Variants in GFER observed in about 807,000 individuals in gnomAD.
GFER encodes growth factor, augmenter of liver regeneration.
GFER carries 24 observed loss-of-function variants against 18.2 expected under a neutral mutation model. The observed-to-expected ratio is 1.32, with a 90% CI of 0.96 to 1.86. The LOEUF is 1.86. Ranked by LOEUF, GFER falls within the 40% of genes most tolerant of loss-of-function variation. The probability of loss-of-function intolerance (pLI) is 0.00; values close to 1 mark genes in which losing one functional copy is unlikely to be tolerated. For missense variants in GFER, 316 were observed against 295.6 expected, an observed-to-expected ratio of 1.07 and a Z score of -0.51; for synonymous variants, 138 against 126.9, an observed-to-expected ratio of 1.09 and a Z score of -0.59.
At position 1,986,110 on chromosome 16, in the gene GFER, C is replaced by A; in HGVS notation, c.*82C>A. The stretch of plus-strand genomic sequence containing the variant: ...GGGCACTCATTAAAGTGCATCACAG[C>A]CAGAGCCTGTTGTGTCTCAGTTGGG... On this transcript the variant is annotated 3_prime_UTR_variant, in exon 3 of 3. Coordinates refer to ENST00000248114, the MANE Select transcript of GFER (RefSeq NM_005262.3). 7.1e-7 allele frequency: 1 copy of A among 1,403,722 alleles called. No individual in the cohort carries two copies. The highest frequency in any genetic ancestry group is 1.0e-6 in the Non-Finnish European group (1 of 1,001,050). 87.0% of individuals were successfully genotyped at this position (1,403,722 alleles called of 1,614,324 possible). A position where few individuals can be genotyped will look rare whatever the true frequency, so the allele number is the denominator to read the frequency against.
chr16:1,986,346 C>T lies in GFER; in HGVS notation c.*318C>T, dbSNP rs2083567603. On this transcript the variant is annotated 3_prime_UTR_variant, in exon 3 of 3. Transcript: ENST00000248114. ...TTCCTGCCCACCGCATACCCTGGCG[C>T]CTCACTCCTCACACGGGAAGACAGC... is the stretch of plus-strand genomic sequence containing the variant. 5.0e-6 allele frequency: 2 copies of T among 399,138 alleles called. No individual in the cohort carries two copies. The highest frequency in any genetic ancestry group is 4.2e-5 in the South Asian group (2 of 48,152). The allele number at this position is 399,138 out of a possible 1,614,324, so 24.7% of individuals were successfully genotyped here.
At position 1,986,079 on chromosome 16, in the gene GFER, G is replaced by A; in HGVS notation, c.*51G>A. On this transcript the variant is annotated 3_prime_UTR_variant, in exon 3 of 3. Coordinates refer to ENST00000248114, the MANE Select transcript of GFER (RefSeq NM_005262.3). ...ACAGCTAGCCAGGCATGGTTGGATA[G>A]GGGCAGGGCACTCATTAAAGTGCAT... 1 of 1,573,428 alleles carries A rather than the reference G, an allele frequency of 6.4e-7. No individual in the cohort carries two copies. The highest frequency in any genetic ancestry group is 8.7e-7 in the Non-Finnish European group (1 of 1,148,332).
intron 1 of GFER, 92 bp downstream of exon 1, chr16:1,984,568 G>T: frequency 6.9e-7 from 1 of 1,454,046 alleles, no homozygotes; most frequent in Admixed American, 1.9e-5. Flanking sequence ...AGGGTTGCCT[G>T]TCCCTGAACC....
Position 1,986,117 on chromosome 16 carries a change from C to A in GFER, c.*89C>A. On this transcript the variant is annotated 3_prime_UTR_variant, in exon 3 of 3. Coordinates refer to ENST00000248114, the MANE Select transcript of GFER (RefSeq NM_005262.3). ...CATTAAAGTGCATCACAGCCAGAGC[C>A]TGTTGTGTCTCAGTTGGGTGGTCCC... The A allele has an allele frequency of 7.3e-7, 1 of 1,364,646 alleles. No individual in the cohort carries two copies. The highest frequency in any genetic ancestry group is 1.2e-5 in the South Asian group (1 of 85,308). The allele number at this position is 1,364,646 out of a possible 1,614,324, so 84.5% of individuals were successfully genotyped here.
intron 2 of GFER, 104 bp downstream of exon 2, chr16:1,985,047 C>A: frequency 1.1e-6 from 1 of 908,342 alleles, no homozygotes; most frequent in Non-Finnish European, 1.8e-6. Flanking sequence ...GCAGAGGTGG[C>A]AGAAGTTTGC....
At chr16:1,984,684 TG>T in intron 1 of GFER, 62 bp from the exon 2 acceptor site, 1 of 1,476,246 alleles carries the variant, frequency 6.8e-7, no homozygotes, top group Non-Finnish European at 9.4e-7. Flanking sequence ...GGCCGTACAG[TG>T]GGGAGCTTTG....
intron 2 of GFER, 41 bp from the exon 3 acceptor site, chr16:1,985,825 C>T: frequency 6.3e-7 from 1 of 1,581,116 alleles, no homozygotes. Context: ...GGCAGTGGAG[C>T]CGCTGCGTCC....
chr16:1,985,143 C>T, intron 2 of GFER, 200 bp downstream of exon 2: 1 of 639,976 alleles, frequency 1.6e-6, no homozygotes, highest in African/African-American at 1.8e-5. Flanking sequence ...TCGGGATCTG[C>T]TGCTGGGTAC....
intron 2 of GFER, among the ~76,000 whole-genome samples, chr16:1,985,379 G>A (rs1237197404): frequency 6.6e-6 from 1 of 152,254 alleles, no homozygotes; most frequent in African/African-American, 2.4e-5. Flanking sequence ...TTCTAGGCCA[G>A]ATGTATAGGG....
At position 1,986,046 on chromosome 16, in the gene GFER, C is replaced by G. The variant is rs747482644; in HGVS notation, c.*18C>G. ...GTGACTAGAGGGTGGTCAGCCAGAG[C>G]TCATGGGACAGCTAGCCAGGCATGG... On this transcript the variant is annotated 3_prime_UTR_variant, in exon 3 of 3. Transcript: ENST00000248114. 6.2e-7 allele frequency: 1 copy of G among 1,611,156 alleles called. No individual in the cohort carries two copies. The highest frequency in any genetic ancestry group is 2.2e-5 in the East Asian group (1 of 44,884).
chr16:1,986,445 C>A lies in GFER; in HGVS notation c.*417C>A. 5.8e-6 allele frequency: 2 copies of A among 347,652 alleles called. No homozygotes were observed. The highest frequency in any genetic ancestry group is 5.7e-6 in the Non-Finnish European group (1 of 176,606). 21.5% of individuals were successfully genotyped at this position (347,652 alleles called of 1,614,324 possible). ...CCTTCCCACTATGCAGCCAGGGATG[C>A]CCCTGCCCCCCATGGCTCTGTGCTG... On this transcript the variant is annotated 3_prime_UTR_variant, in exon 3 of 3. Coordinates refer to ENST00000248114, the MANE Select transcript of GFER (RefSeq NM_005262.3).
rs1386585355 is a variant in GFER, at chr16:1,986,227, C to A, written c.*199C>A. On this transcript the variant is annotated 3_prime_UTR_variant, in exon 3 of 3. Transcript: ENST00000248114. ...TGCCCACAGCAGGTACCCACTGGCCCCCTCCTCAGTGGAGACCCCAAGGAG... is the reference window on the plus strand; with the variant it reads ...TGCCCACAGCAGGTACCCACTGGCCACCTCCTCAGTGGAGACCCCAAGGAG... 3.8e-5 allele frequency: 24 copies of A among 635,604 alleles called. No individual in the cohort carries two copies. The highest frequency in any genetic ancestry group is 8.3e-4 in the Middle Eastern group (2 of 2,422). The allele number at this position is 635,604 out of a possible 1,614,324, so 39.4% of individuals were successfully genotyped here. A position where few individuals can be genotyped will look rare whatever the true frequency, so the allele number is the denominator to read the frequency against.
At position 1,984,957 on chromosome 16, in the gene GFER, G is replaced by A; in HGVS notation, c.455+14G>A. ...CCTAAGAAAAAGGTAAGATGTGTTT[G>A]CACGCAGCAGAGCTTTGCACTGGAG... On this transcript the variant is annotated intron_variant, in intron 2 of 2. Transcript: ENST00000248114. 1 of 1,593,928 alleles carries A rather than the reference G, an allele frequency of 6.3e-7. No homozygotes were observed. Among genetic ancestry groups the A allele is most frequent in the Non-Finnish European group, 8.6e-7 (1 of 1,162,472 alleles).
rs1182083673 is a variant in GFER, at chr16:1,987,253, G to A, written c.*1225G>A. Reference sequence around the variant, plus strand: ...AGTGCAGCAAGGTGGGGGGTGACTGGGACCCAGCCTTTGGGCCTCCCCAGC... The same window carrying A: ...AGTGCAGCAAGGTGGGGGGTGACTGAGACCCAGCCTTTGGGCCTCCCCAGC... On this transcript the variant is annotated 3_prime_UTR_variant, in exon 3 of 3. Coordinates refer to ENST00000248114, the MANE Select transcript of GFER (RefSeq NM_005262.3). 6.6e-6 allele frequency: 1 copy of A among 152,646 alleles called. No individual in the cohort carries two copies. The highest frequency in any genetic ancestry group is 2.4e-5 in the African/African-American group (1 of 41,408). 9.5% of individuals were successfully genotyped at this position (152,646 alleles called of 1,614,324 possible). A position where few individuals can be genotyped will look rare whatever the true frequency, so the allele number is the denominator to read the frequency against.
chr16:1,984,644 T>G (rs901783259), intron 1 of GFER, 103 bp from the exon 2 acceptor site: 5 of 1,387,602 alleles, frequency 3.6e-6, no homozygotes, highest in Non-Finnish European at 5.1e-6. Context: ...TCTGCAGGAC[T>G]TTGGCCGGAG....
chr16:1,985,940 T>C lies in GFER; in HGVS notation c.530T>C (p.Val177Ala). The C allele has an allele frequency of 1.2e-6, 2 of 1,613,044 alleles. No individual in the cohort carries two copies. Among genetic ancestry groups the C allele is most frequent in the South Asian group, 1.1e-5 (1 of 91,090 alleles). The change falls in exon 3 of 3, where the codon GTG becomes GCG. Residue 177 changes from valine to alanine, a missense_variant. Val to Ala is a moderately conservative substitution (Grantham distance 64). Coordinates refer to ENST00000248114, the MANE Select transcript of GFER (RefSeq NM_005262.3). ...TGGCTGTGCCACCTGCACAATGAAGTGAACCGCAAGCTGGGCAAGCCTGAC... is the reference window on the plus strand; with the variant it reads ...TGGCTGTGCCACCTGCACAATGAAGCGAACCGCAAGCTGGGCAAGCCTGAC... ...TQWLCHLHNE[V>A]NRKLGKPDFD...
At position 1,984,477 on chromosome 16, in the gene GFER, G is replaced by A. The variant is rs770900182; in HGVS notation, c.258+1G>A. 43 of 1,558,246 alleles carry A rather than the reference G, an allele frequency of 2.8e-5. No homozygotes were observed. Among genetic ancestry groups the A allele is most frequent in the Non-Finnish European group, 3.7e-5 (43 of 1,156,132 alleles). On this transcript the variant is annotated splice_donor_variant, in intron 1 of 2. Transcript: ENST00000248114. LOFTEE classifies it high-confidence loss of function. ...GACGTGGATGCGGACGCAGCAGAAG[G>A]TGCAGTTCCCTGCCCGATTTCTCCC... is the stretch of plus-strand genomic sequence containing the variant.
chr16:1,984,867 C>A lies in GFER; in HGVS notation c.379C>A (p.Gln127Lys). The change falls in exon 2 of 3, where the codon CAA becomes AAA. Residue 127 changes from glutamine to lysine, a missense_variant. Transcript: ENST00000248114. ...YPDLPTPEQQ[Q>K]DMAQFIHLFS... ...CGACCTGCCCACCCCAGAACAGCAG[C>A]AAGACATGGCCCAGTTCATACATTT... The A allele has an allele frequency of 1.2e-6, 2 of 1,613,802 alleles. No individual in the cohort carries two copies. The highest frequency in any genetic ancestry group is 1.7e-6 in the Non-Finnish European group (2 of 1,179,920).
chr16:1,984,943 G>A lies in GFER; in HGVS notation c.455G>A (p.Arg152Lys). 6.2e-7 allele frequency: 1 copy of A among 1,609,218 alleles called. No homozygotes were observed. The highest frequency in any genetic ancestry group is 1.1e-5 in the South Asian group (1 of 91,000). The stretch of plus-strand genomic sequence containing the variant: ...GAGTGTGCTGAAGACCTAAGAAAAA[G>A]GTAAGATGTGTTTGCACGCAGCAGA... ...CEECAEDLRK[R>K]LCRNHPDTRT... The change falls in exon 2 of 3, where the codon AGG (arginine) becomes AAG (lysine). Residue 152 changes from arginine to lysine, a missense_variant and splice_region_variant. Physicochemically the swap from Arg to Lys is conservative, Grantham distance 26 (BLOSUM62 2). Transcript: ENST00000248114.
Sources: gnomAD v4.1 joint callset for allele counts (sites outside exome capture counted in the v4.1 genomes callset) on GRCh38, gnomAD v4.1.1 for gene constraint, MANE v1.5 for transcripts, NCBI Gene and HGNC (gene_info 2026-07-23, HGNC 2026-07-21) for gene names.